KIAA1217: variants seen among roughly 807,000 people sequenced by gnomAD.
KIAA1217 encodes KIAA1217, also known as sickle tail protein homolog.
A neutral mutation model predicts 163.9 loss-of-function variants in KIAA1217; 88 were observed. The observed-to-expected ratio is 0.54, with a 90% CI of 0.45 to 0.64. The LOEUF (loss-of-function observed/expected upper bound fraction) is 0.64, where lower values mean the gene tolerates loss of function less well. Ranked by LOEUF, KIAA1217 falls within the 30% of genes least tolerant of loss-of-function variation. The pLI, the probability that KIAA1217 is intolerant of heterozygous loss-of-function variation, is 0.00. For synonymous variants in KIAA1217, 903 were observed against 923.1 expected (o/e 0.98, Z 0.39); for missense variants, 2,372 against 2,475.0 (o/e 0.96, Z 0.88).
intron 1 of KIAA1217, among the ~76,000 whole-genome samples, chr10:23,961,627 C>G (rs548892830): frequency 1.3e-5 from 2 of 152,260 alleles, no homozygotes; most frequent in South Asian, 4.1e-4. Context: ...TGTGATAAAT[C>G]AAACAGATCC....
At chr10:23,740,485 A>G (rs933762803) in intron 1 of KIAA1217, among the ~76,000 whole-genome samples, 62 of 152,234 alleles carry the variant, frequency 4.1e-4, no homozygotes, top group African/African-American at 1.4e-3. Flanking sequence ...CAGCCTTACA[A>G]CTAGCTGGGA....
At chr10:24,162,242 C>T (rs892809386) in intron 2 of KIAA1217, among the ~76,000 whole-genome samples, 3 of 152,226 alleles carry the variant, frequency 2.0e-5, no homozygotes, top group Non-Finnish European at 4.4e-5. Flanking sequence ...CCTCCGAAAG[C>T]ATAAGACAGC....
chr10:24,518,347 G>T (rs1297160112), intron 10 of KIAA1217, among the ~76,000 whole-genome samples: 1 of 130,308 alleles, frequency 7.7e-6, no homozygotes, highest in East Asian at 2.1e-4. Context: ...CGTTTGCATA[G>T]AAGTGATATT....
At chr10:23,983,951 G>A (rs529697677) in intron 1 of KIAA1217, among the ~76,000 whole-genome samples, 13 of 152,242 alleles carry the variant, frequency 8.5e-5, no homozygotes, top group South Asian at 6.2e-4. Context: ...TACCTAATAC[G>A]TAATAGTAAA....
intron 1 of KIAA1217, among the ~76,000 whole-genome samples, chr10:23,725,560 T>C (rs1838090041): frequency 6.6e-6 from 1 of 152,196 alleles, no homozygotes; most frequent in African/African-American, 2.4e-5. Flanking sequence ...TATGAGAATA[T>C]GACATAATTA....
rs563661088 is a variant in KIAA1217, at chr10:24,426,450, C to T, written c.554-6545C>T. ...CAGCCTGGCCAACATACCAAAACCC[C>T]GTCTCTACTAAAAAAATACAAAAAT... On this transcript the variant is annotated intron_variant, in intron 3 of 20. Transcript: ENST00000376454. Among the ~76,000 whole-genome samples the T allele has an allele frequency of 3.3e-5, 5 of 152,142 alleles. No individual in the cohort carries two copies. The South Asian group carries it at 6.2e-4, about 19-fold the overall frequency.
At chr10:24,052,974 GA>G (rs1849627016) in intron 2 of KIAA1217, among the ~76,000 whole-genome samples, 1 of 152,212 alleles carries the variant, frequency 6.6e-6, no homozygotes, top group South Asian at 2.1e-4. Flanking sequence ...TGGAAATCTA[GA>G]CAAAAGAAGA....
intron 2 of KIAA1217, among the ~76,000 whole-genome samples, chr10:24,190,556 C>T (rs183137558): frequency 1.3e-5 from 2 of 152,256 alleles, no homozygotes; most frequent in East Asian, 3.9e-4. Context: ...GCAGGATTGC[C>T]CTGGTTGACA....
chr10:23,724,389 G>T (rs1247117592), intron 1 of KIAA1217, among the ~76,000 whole-genome samples: 2 of 151,808 alleles, frequency 1.3e-5, no homozygotes, highest in Non-Finnish European at 2.9e-5. Flanking sequence ...ATTTTTCATT[G>T]TGTTATTAAT....
In KIAA1217 at chr10:24,088,453, A is replaced by G. The variant is rs554559093; in HGVS notation, c.-171+81079A>G. Among the ~76,000 whole-genome samples the G allele has an allele frequency of 8.4e-3, 315 of 37,630 alleles. 51 individuals are homozygous for G. The highest frequency in any genetic ancestry group is 0.017 in the Admixed American group (42 of 2,494). The allele number at this position is 37,630 out of a possible 152,430, so 24.7% of individuals were successfully genotyped here. The stretch of plus-strand genomic sequence containing the variant: ...AATGCTATCCCTCCCCCCTCCCCCT[A>G]CTCAACAACAGGCCCCAGTGTGTGA... On this transcript the variant is annotated intron_variant, in intron 2 of 18. Coordinates refer to the KIAA1217 transcript ENST00000376462.
chr10:24,428,277 C>A lies in KIAA1217; in HGVS notation c.554-4718C>A, dbSNP rs573347342. 3.3e-5 allele frequency among the ~76,000 whole-genome samples: 5 copies of A among 152,318 alleles called. No homozygotes were observed. In the East Asian group the frequency reaches 9.7e-4, roughly 29 times the overall value. On this transcript the variant is annotated intron_variant, in intron 3 of 20. Transcript: ENST00000376454. ...GATGTACCATAGCAATCACATGGGACAATCACCACACATCCCACGTGGGGC... is the reference window on the plus strand; with the variant it reads ...GATGTACCATAGCAATCACATGGGAAAATCACCACACATCCCACGTGGGGC...
At chr10:24,312,750 T>C (rs1773672746) in intron 2 of KIAA1217, among the ~76,000 whole-genome samples, 1 of 151,962 alleles carries the variant, frequency 6.6e-6, no homozygotes, top group Admixed American at 6.6e-5. Flanking sequence ...ACCCCATCTC[T>C]ACAAAAAAAT....
intron 2 of KIAA1217, among the ~76,000 whole-genome samples, chr10:24,123,137 TGTGTGTGTG>T (rs2063346065): frequency 6.9e-6 from 1 of 145,798 alleles, no homozygotes; most frequent in African/African-American, 2.5e-5. Context: ...TGTGTGTTTG[TGTGTGTGTG>T]TGTGTGTGTG....
intron 2 of KIAA1217, among the ~76,000 whole-genome samples, chr10:24,311,577 C>CGATAGAA (rs556901647): frequency 1.3e-3 from 194 of 152,214 alleles, no homozygotes; most frequent in African/African-American, 4.4e-3. Flanking sequence ...TTTTCTTAGC[C>CGATAGAA]GATAGTTACA....
In KIAA1217 at chr10:24,501,499, G is replaced by C; in HGVS notation, c.1955G>C (p.Ser652Thr). 6.2e-7 allele frequency: 1 copy of C among 1,613,944 alleles called. No homozygotes were observed. Among genetic ancestry groups the C allele is most frequent in the Non-Finnish European group, 8.5e-7 (1 of 1,179,944 alleles). ...ATGAGCCTGCTTGAGATGAGGCGGA[G>C]CGTGGCGGAACTCAGGCTCCAGCTC... ...IHMSLLEMRR[S>T]VAELRLQLQQ... The change falls in exon 9 of 21, where the codon AGC becomes ACC. Residue 652 changes from serine to threonine, a missense_variant. Physicochemically the swap from Ser to Thr is moderately conservative, Grantham distance 58 (BLOSUM62 1). Around this residue, in one of 3 missense-constraint regions of KIAA1217, gnomAD observed 1,431 missense variants for 1,470.3 expected, o/e 0.97. Transcript: ENST00000376454.
At chr10:24,353,218 C>T (rs981533203) in intron 2 of KIAA1217, among the ~76,000 whole-genome samples, 1 of 152,254 alleles carries the variant, frequency 6.6e-6, no homozygotes, top group Non-Finnish European at 1.5e-5. Flanking sequence ...GGCTGTGAAA[C>T]GACAGTGTCA....
At chr10:23,953,461 G>A (rs946147919) in intron 1 of KIAA1217, among the ~76,000 whole-genome samples, 1 of 152,206 alleles carries the variant, frequency 6.6e-6, no homozygotes. Context: ...AGAGGTATCA[G>A]CTATGATTGC....
chr10:24,496,716 C>T (rs1592405648), intron 8 of KIAA1217, among the ~76,000 whole-genome samples: 1 of 152,346 alleles, frequency 6.6e-6, no homozygotes, highest in Non-Finnish European at 1.5e-5. Flanking sequence ...ACGTGACACA[C>T]ATCATCATAG....
At chr10:23,812,515 C>A (rs973565283) in intron 1 of KIAA1217, among the ~76,000 whole-genome samples, 9 of 152,024 alleles carry the variant, frequency 5.9e-5, no homozygotes, top group Non-Finnish European at 8.8e-5. Context: ...AAAGCTAGCT[C>A]TATTGAAATA....
Sources: allele counts gnomAD v4.1 joint callset (sites outside exome capture counted in the v4.1 genomes callset), GRCh38; gene constraint gnomAD v4.1.1; regional missense constraint gnomAD v4.1.1; transcripts MANE v1.5; gene names NCBI Gene and HGNC (gene_info 2026-07-23, HGNC 2026-07-21).